Variants in KCNT2 observed in about 807,000 individuals in gnomAD.
KCNT2 encodes potassium channel subfamily T member 2.
In KCNT2, 67 loss-of-function variants were observed where a neutral mutation model predicts 153.8. The ratio of observed to expected loss-of-function variants is 0.44; its 90% CI spans 0.36 to 0.53. KCNT2 has a LOEUF of 0.53. Ranked by LOEUF, KCNT2 falls within the 20% of genes least tolerant of loss-of-function variation. KCNT2 has a pLI of 0.00. For synonymous variants in KCNT2, 500 were observed against 458.8 expected (o/e 1.09, Z -1.15); for missense variants, 975 against 1,354.8 (o/e 0.72, Z 4.40).
chr1:196,592,725 A>T (rs1261146818), intron 1 of KCNT2, among the ~76,000 whole-genome samples: 4 of 147,138 alleles, frequency 2.7e-5, no homozygotes, highest in Admixed American at 2.0e-4. Flanking sequence ...AAATATATAT[A>T]TACATATATA....
chr1:196,285,367 C>T (rs1009457219), intron 23 of KCNT2, among the ~76,000 whole-genome samples: 1 of 151,946 alleles, frequency 6.6e-6, no homozygotes, highest in African/African-American at 2.4e-5. Flanking sequence ...CTTGGAGTAA[C>T]ATGCAAAATG....
intron 18 of KCNT2, among the ~76,000 whole-genome samples, chr1:196,330,177 A>G (rs1406089657): frequency 2.0e-5 from 3 of 151,112 alleles, no homozygotes; most frequent in Admixed American, 6.6e-5. Flanking sequence ...AATGTTCTGT[A>G]AATCTTCTTC....
chr1:196,453,671 A>G (rs542957216), intron 8 of KCNT2, among the ~76,000 whole-genome samples: 2 of 151,996 alleles, frequency 1.3e-5, no homozygotes, highest in African/African-American at 4.8e-5. Flanking sequence ...GCCACATCCA[A>G]TGGGGGGATA....
At chr1:196,270,229 T>C (rs1322611129) in intron 25 of KCNT2, among the ~76,000 whole-genome samples, 2 of 152,004 alleles carry the variant, frequency 1.3e-5, no homozygotes, top group African/African-American at 4.8e-5. Context: ...TACTATTTAT[T>C]TGGTAGGGAT....
At chr1:196,287,510 A>G (rs1659775934) in intron 22 of KCNT2, among the ~76,000 whole-genome samples, 1 of 152,056 alleles carries the variant, frequency 6.6e-6, no homozygotes, top group African/African-American at 2.4e-5. Context: ...CATTTCACAC[A>G]CTATATTTTT....
chr1:196,243,246 G>A (rs972208797), intron 26 of KCNT2, among the ~76,000 whole-genome samples: 1 of 151,980 alleles, frequency 6.6e-6, no homozygotes, highest in South Asian at 2.1e-4. Context: ...TTCATTGCAT[G>A]AAAAAACATT....
rs375808874 is a variant in KCNT2, at chr1:196,523,309, T to C, written c.96-30968A>G. 3.9e-5 allele frequency among the ~76,000 whole-genome samples: 6 copies of C among 152,224 alleles called. No individual in the cohort carries two copies. The East Asian group carries it at 9.7e-4, about 25-fold the overall frequency. ...CAGGACACACCATCTTTAAGAACGG[T>C]AACACTCACCATGAGGGTCTGTGGC... is the stretch of plus-strand genomic sequence containing the variant. On this transcript the variant is annotated intron_variant, in intron 1 of 27. Transcript: ENST00000294725.
intron 1 of KCNT2, among the ~76,000 whole-genome samples, chr1:196,569,296 T>C (rs1164700899): frequency 6.6e-6 from 1 of 152,206 alleles, no homozygotes; most frequent in African/African-American, 2.4e-5. Flanking sequence ...TTTCTAAATT[T>C]ACTTTGAATA....
At chr1:196,322,692 G>A (rs145212230) in intron 19 of KCNT2, among the ~76,000 whole-genome samples, 21 of 151,886 alleles carry the variant, frequency 1.4e-4, no homozygotes, top group African/African-American at 4.8e-4. Flanking sequence ...CCATTATTTT[G>A]TTCCCATTTA....
chr1:196,368,777 T>G (rs770715224), intron 14 of KCNT2, among the ~76,000 whole-genome samples: 3 of 152,172 alleles, frequency 2.0e-5, no homozygotes, highest in Non-Finnish European at 2.9e-5. Flanking sequence ...AAATCCCTAC[T>G]ACTTCCTCCT....
At position 196,563,124 on chromosome 1, in the gene KCNT2, T is replaced by A. The variant is rs556954001; in HGVS notation, c.95+45091A>T. Among the ~76,000 whole-genome samples the A allele has an allele frequency of 6.6e-5, 10 of 152,144 alleles. No homozygotes were observed. The South Asian group carries it at 2.1e-3, about 31-fold the overall frequency. On this transcript the variant is annotated intron_variant, in intron 1 of 27. Coordinates refer to ENST00000294725, the MANE Select transcript of KCNT2 (RefSeq NM_198503.5). ...TGCCAAAAATGTAGGAACCTTACTC[T>A]AGGTCCTAATCACTAGCCTTGCCAG...
chr1:196,300,041 T>A (rs559645436), intron 22 of KCNT2, among the ~76,000 whole-genome samples: 2 of 152,360 alleles, frequency 1.3e-5, no homozygotes, highest in East Asian at 3.9e-4. Context: ...AAACCTTTAG[T>A]CTTTGTAAGC....
chr1:196,376,760 A>G (rs1165312883), intron 13 of KCNT2, among the ~76,000 whole-genome samples: 2 of 152,080 alleles, frequency 1.3e-5, no homozygotes, highest in African/African-American at 4.8e-5. Context: ...AAATGAAATA[A>G]AACAAGCTTG....
chr1:196,428,833 G>A (rs1002962496), intron 9 of KCNT2, among the ~76,000 whole-genome samples: 1 of 152,062 alleles, frequency 6.6e-6, no homozygotes, highest in East Asian at 1.9e-4. Context: ...AGTTTGATTT[G>A]CATTTCCCTA....
chr1:196,396,513 A>T (rs1193287730), intron 13 of KCNT2, among the ~76,000 whole-genome samples: 1 of 151,578 alleles, frequency 6.6e-6, no homozygotes, highest in African/African-American at 2.4e-5. Flanking sequence ...AAAAGTCCAT[A>T]ATTTTTTAAC....
At chr1:196,586,439 C>T (rs1188962319) in intron 1 of KCNT2, among the ~76,000 whole-genome samples, 2 of 151,974 alleles carry the variant, frequency 1.3e-5, no homozygotes, top group African/African-American at 2.4e-5. Context: ...AGAATTCAAT[C>T]ATTTTGGGGA....
intron 14 of KCNT2, among the ~76,000 whole-genome samples, chr1:196,343,397 A>G (rs973174417): frequency 7.9e-5 from 12 of 152,184 alleles, no homozygotes; most frequent in Non-Finnish European, 1.5e-4. Context: ...TTGCTGAATA[A>G]CACTTATGAA....
intron 1 of KCNT2, among the ~76,000 whole-genome samples, chr1:196,496,065 T>TC (rs1680226035): frequency 6.6e-6 from 1 of 152,214 alleles, no homozygotes; most frequent in Non-Finnish European, 1.5e-5. Context: ...GATTTTTTTT[T>TC]CACATTTATT....
chr1:196,555,185 G>C (rs1014804198), intron 1 of KCNT2, among the ~76,000 whole-genome samples: 10 of 151,392 alleles, frequency 6.6e-5, no homozygotes, highest in South Asian at 6.2e-4. Context: ...AATTGGAAAG[G>C]AAGAAATCAC....
Sources: gnomAD v4.1 joint callset for allele counts (sites outside exome capture counted in the v4.1 genomes callset) on GRCh38, gnomAD v4.1.1 for gene constraint, MANE v1.5 for transcripts, NCBI Gene and HGNC (gene_info 2026-07-23, HGNC 2026-07-21) for gene names.